Variants in CROCC observed in about 807,000 individuals in gnomAD.
The protein encoded by CROCC is rootletin.
A neutral mutation model predicts 245.2 loss-of-function variants in CROCC; 180 were observed. The ratio of observed to expected loss-of-function variants is 0.73; its 90% CI spans 0.65 to 0.83. CROCC has a LOEUF of 0.83. Among genes scored for constraint, CROCC ranks in the 40% least tolerant of loss-of-function variants. The pLI is 0.00. For synonymous variants in CROCC, 1,205 were observed against 1,241.6 expected (o/e 0.97, Z 0.62); for missense variants, 2,688 against 2,779.4 (o/e 0.97, Z 0.74).
chr1:16,930,663 CAG>C (rs1213099259), intron 7 of CROCC, 69 bp downstream of exon 7: 71 of 1,473,068 alleles, frequency 4.8e-5, no homozygotes, highest in Non-Finnish European at 6.3e-5. Flanking sequence ...AGGGAGGACT[CAG>C]AAGCCTGGAG....
intron 23 of CROCC, 79 bp from the exon 24 acceptor site, chr1:16,955,233 C>T: frequency 7.1e-7 from 1 of 1,417,480 alleles, no homozygotes; most frequent in South Asian, 1.2e-5. Flanking sequence ...CTCCCTGGGT[C>T]CAGGGATCTG....
chr1:16,946,704 T>C (rs1163900113), intron 16 of CROCC, 57 bp from the exon 17 acceptor site: 14 of 1,513,002 alleles, frequency 9.3e-6, no homozygotes, highest in Non-Finnish European at 1.3e-5. Flanking sequence ...GGAGGAGGCG[T>C]CCTGGTCCTG....
At chr1:16,946,209 T>C in intron 15 of CROCC, 50 bp from the exon 16 acceptor site, 2 of 1,586,348 alleles carry the variant, frequency 1.3e-6, no homozygotes, top group Non-Finnish European at 1.7e-6. Context: ...CCTCCTCACC[T>C]CCTCCCGACC....
intron 26 of CROCC, among the ~76,000 whole-genome samples, chr1:16,959,509 G>A (rs1258339288): frequency 6.6e-6 from 1 of 152,142 alleles, no homozygotes; most frequent in Non-Finnish European, 1.5e-5. Flanking sequence ...GCCTCAGAGC[G>A]CTCATGAGAG....
At position 16,972,340 on chromosome 1, in the gene CROCC, A is replaced by C. The variant is rs753611509; in HGVS notation, c.5968-20A>C. On this transcript the variant is annotated intron_variant, in intron 36 of 36. Transcript: ENST00000375541. ...CCAGGCTGAGGACCTGGCTGGCCTT[A>C]CCTTCCCTTTCTTCCCCAGGTGTCC... The C allele has an allele frequency of 6.2e-7, 1 of 1,610,252 alleles. No individual in the cohort carries two copies. Among genetic ancestry groups the C allele is most frequent in the Non-Finnish European group, 8.5e-7 (1 of 1,176,900 alleles).
intron 1 of CROCC, among the ~76,000 whole-genome samples, 157 bp from the exon 2 acceptor site, chr1:16,922,506 A>T (rs1288077371): frequency 2.6e-5 from 4 of 152,256 alleles, no homozygotes; most frequent in African/African-American, 9.6e-5. Context: ...GGCTCTTTGC[A>T]TGGGGATTTT....
intron 3 of CROCC, among the ~76,000 whole-genome samples, chr1:16,929,251 A>G (rs1224775056): frequency 6.6e-6 from 1 of 152,274 alleles, no homozygotes; most frequent in Non-Finnish European, 1.5e-5. Context: ...GGTTGCCTGT[A>G]TGTGTTATGT....
Position 16,970,353 on chromosome 1 carries a change from A to AGCGCGCCCTG in CROCC, c.5555_5564dup (p.Gln1856ArgfsTer8). 6.3e-7 allele frequency: 1 copy of AGCGCGCCCTG among 1,594,760 alleles called. No individual in the cohort carries two copies. The highest frequency in any genetic ancestry group is 8.5e-7 in the Non-Finnish European group (1 of 1,171,676). On this transcript the variant is annotated frameshift_variant, in exon 34 of 37. Coordinates refer to ENST00000375541, the MANE Select transcript of CROCC (RefSeq NM_014675.5). LOFTEE classifies it high-confidence loss of function. The stretch of plus-strand genomic sequence containing the variant: ...CTGCAGGAGCGCCTGGGAAGCCTGC[A>AGCGCGCCCTG]GCGCGCCCTGGCTCAGCTGGAAGCT...
At position 16,922,078 on chromosome 1, in the gene CROCC, G is replaced by C. The variant is rs778756821; in HGVS notation, c.60G>C (p.Gln20His). Residue 20 changes from glutamine (Q) to histidine (H), a missense_variant and splice_region_variant, in exon 1 of 37, where the codon CAG (glutamine) becomes CAC (histidine). Around this residue, in one of 9 missense-constraint regions of CROCC, gnomAD observed 972 missense variants for 895.3 expected, o/e 1.09. Transcript: ENST00000375541. ...EVELTLETVI[Q>H]TLESSVLCQE... ...AGCTGACACTAGAGACGGTTATCCA[G>C]GTGGGTCCTGGGGGCTGTGCCCACC... The C allele has an allele frequency of 3.1e-5, 48 of 1,547,964 alleles. No homozygotes were observed. The highest frequency in any genetic ancestry group is 4.1e-5 in the Non-Finnish European group (47 of 1,145,312).
At chr1:16,953,603 C>G in intron 21 of CROCC, 122 bp downstream of exon 21, 1 of 915,382 alleles carries the variant, frequency 1.1e-6, no homozygotes, top group Non-Finnish European at 1.6e-6. Flanking sequence ...TTGGGGGCCT[C>G]AGTTTCCTTA....
At chr1:16,934,842 CT>C (rs1217093510) in intron 8 of CROCC, among the ~76,000 whole-genome samples, 154 of 42,704 alleles carry the variant, frequency 3.6e-3, no homozygotes, top group African/African-American at 0.011. Context: ...TCTTCTTCTT[CT>C]TTTTTTTTTT....
intron 10 of CROCC, 152 bp downstream of exon 10, chr1:16,937,889 A>C: frequency 1.4e-6 from 1 of 699,720 alleles, no homozygotes; most frequent in South Asian, 1.8e-5. Context: ...CTTTGTGGGA[A>C]GCACACTCAC....
chr1:16,931,206 C>T, intron 7 of CROCC, 85 bp from the exon 8 acceptor site: 1 of 1,232,112 alleles, frequency 8.1e-7, no homozygotes, highest in Non-Finnish European at 1.2e-6. Context: ...CGGTGCCTCC[C>T]AGGATGGTCG....
At chr1:16,938,358 A>T (rs1208360695) in intron 10 of CROCC, 42 bp from the exon 11 acceptor site, 1 of 1,521,854 alleles carries the variant, frequency 6.6e-7, no homozygotes, top group East Asian at 2.4e-5. Context: ...TTCAGATAAG[A>T]CAGAACCCCA....
chr1:16,924,294 A>C, intron 2 of CROCC, 31 bp from the exon 3 acceptor site: 2 of 1,602,700 alleles, frequency 1.2e-6, no homozygotes, highest in Non-Finnish European at 1.7e-6. Flanking sequence ...TGGACCCAGA[A>C]GCCAACCATG....
intron 20 of CROCC, chr1:16,951,832 T>C (rs940332144): frequency 1.3e-4 from 21 of 157,274 alleles, no homozygotes; most frequent in African/African-American, 4.3e-4. Flanking sequence ...GCAGTACCCC[T>C]GGCCTTGGGT....
chr1:16,932,864 A>G lies in CROCC; in HGVS notation c.956+1467A>G, dbSNP rs555052458. Among the ~76,000 whole-genome samples the G allele has an allele frequency of 5.6e-3, 860 of 152,340 alleles. 4 individuals carry two copies. Among genetic ancestry groups the G allele is most frequent in the Middle Eastern group, 0.014 (4 of 294 alleles). On this transcript the variant is annotated intron_variant, in intron 8 of 36. Coordinates refer to ENST00000375541, the MANE Select transcript of CROCC (RefSeq NM_014675.5). The stretch of plus-strand genomic sequence containing the variant: ...TGCGTTAAAAACATTTTAGTTAGTA[A>G]TCTTTTCTTTTCTTTATGGCTCACT...
At chr1:16,972,045 C>T (rs1429542820) in intron 36 of CROCC, among the ~76,000 whole-genome samples, 6 of 152,224 alleles carry the variant, frequency 3.9e-5, no homozygotes, top group African/African-American at 1.2e-4. Flanking sequence ...CCTTGTCGGC[C>T]GGGCAAGGCT....
intron 21 of CROCC, 73 bp downstream of exon 21, chr1:16,953,554 A>T: frequency 7.1e-7 from 1 of 1,415,204 alleles, no homozygotes; most frequent in Non-Finnish European, 9.4e-7. Context: ...CTGCTCTGCC[A>T]CTTGGCAGCT....
Sources: gnomAD v4.1 joint callset for allele counts (sites outside exome capture counted in the v4.1 genomes callset) on GRCh38, gnomAD v4.1.1 for gene constraint, gnomAD v4.1.1 regional missense constraint, MANE v1.5 for transcripts, NCBI Gene and HGNC (gene_info 2026-07-23, HGNC 2026-07-21) for gene names.